Variants in ARCN1 observed in about 807,000 individuals in gnomAD.
The protein encoded by ARCN1 is archain 1 coat protein complex I subunit delta.
A neutral mutation model predicts 60.4 loss-of-function variants in ARCN1; 5 were observed. The ratio of observed to expected loss-of-function variants is 0.08; its 90% CI spans 0.04 to 0.17. The LOEUF (loss-of-function observed/expected upper bound fraction) is 0.17. Among genes scored for constraint, ARCN1 ranks in the 10% least tolerant of loss-of-function variants. ARCN1 has a pLI of 1.00. For synonymous variants in ARCN1, 224 were observed against 220.0 expected (o/e 1.02, Z -0.16); for missense variants, 464 against 626.5 (o/e 0.74, Z 2.77).
At chr11:118,584,680 A>T in intron 5 of ARCN1, 36 bp downstream of exon 5, 1 of 1,515,642 alleles carries the variant, frequency 6.6e-7, no homozygotes, top group South Asian at 1.3e-5. Context: ...TCAAGCTTTG[A>T]ATACAGTCCA....
Position 118,597,781 on chromosome 11 carries a change from A to C in ARCN1, c.1316A>C (p.Glu439Ala). ...YRHDSRRNTL[E>A]WCLPVIDAKN... ...CATGACAGTCGACGAAATACCCTGG[A>C]GTGGTGCCTGCCTGTGATTGATGCC... Residue 439 changes from glutamate (E) to alanine (A), a missense_variant, in exon 9 of 10, where the codon GAG (glutamate) becomes GCG (alanine). Glu to Ala is a moderately radical substitution (Grantham distance 107). This residue lies in a region of ARCN1 where 359 missense variants were observed against 440.2 expected (regional missense o/e 0.82). Transcript: ENST00000264028. 6.2e-7 allele frequency: 1 copy of C among 1,614,122 alleles called. No individual in the cohort carries two copies.
At chr11:118,593,394 T>A (rs1938955508) in intron 7 of ARCN1, among the ~76,000 whole-genome samples, 196 bp from the exon 8 acceptor site, 1 of 149,078 alleles carries the variant, frequency 6.7e-6, no homozygotes, top group Admixed American at 6.7e-5. Flanking sequence ...CGCCTGGCTT[T>A]TTTTTTTTTT....
chr11:118,591,297 C>T (rs1304609279), intron 6 of ARCN1, among the ~76,000 whole-genome samples: 1 of 152,224 alleles, frequency 6.6e-6, no homozygotes, highest in Non-Finnish European at 1.5e-5. Flanking sequence ...CCACCGTAGT[C>T]AGCACAGAAT....
Position 118,583,160 on chromosome 11 carries a change from T to A in ARCN1, c.268-19T>A. 6.2e-7 allele frequency: 1 copy of A among 1,612,034 alleles called. No homozygotes were observed. The highest frequency in any genetic ancestry group is 8.5e-7 in the Non-Finnish European group (1 of 1,179,082). On this transcript the variant is annotated intron_variant, in intron 2 of 9. Coordinates refer to ENST00000264028, the MANE Select transcript of ARCN1 (RefSeq NM_001655.5). ...TGATAAATTCTAAATCTTTCTTTTT[T>A]ATTGGTGTCCACGCTTAGATCCCTG...
chr11:118,590,287 G>GC, intron 5 of ARCN1, 54 bp from the exon 6 acceptor site: 1 of 1,511,942 alleles, frequency 6.6e-7, no homozygotes, highest in Non-Finnish European at 9.1e-7. Context: ...GAGCCACCAC[G>GC]CCCGGCCATT....
At chr11:118,582,778 C>A (rs1357375587) in intron 2 of ARCN1, among the ~76,000 whole-genome samples, 1 of 150,216 alleles carries the variant, frequency 6.7e-6, no homozygotes, top group Non-Finnish European at 1.5e-5. Flanking sequence ...CAGTGGCTCA[C>A]GCCTGTAATC....
chr11:118,596,860 C>G (rs1272637211), intron 8 of ARCN1, among the ~76,000 whole-genome samples: 1 of 152,168 alleles, frequency 6.6e-6, no homozygotes, highest in Non-Finnish European at 1.5e-5. Flanking sequence ...GATTGTAAAT[C>G]AAATAAACCC....
chr11:118,600,213 C>CT (rs1436059418), intron 9 of ARCN1, among the ~76,000 whole-genome samples: 1 of 152,208 alleles, frequency 6.6e-6, no homozygotes, highest in African/African-American at 2.4e-5. Context: ...CTTACTGGGA[C>CT]TTTTAACACG....
intron 9 of ARCN1, among the ~76,000 whole-genome samples, chr11:118,598,753 C>G (rs1939086391): frequency 6.6e-6 from 1 of 151,752 alleles, no homozygotes; most frequent in African/African-American, 2.4e-5. Flanking sequence ...CCTCAGCCTC[C>G]CAAAGTGATG....
intron 8 of ARCN1, among the ~76,000 whole-genome samples, chr11:118,594,630 A>T (rs1555076859): frequency 6.6e-6 from 1 of 151,042 alleles, no homozygotes; most frequent in Non-Finnish European, 1.5e-5. Context: ...GCTCACTGCA[A>T]CCTCCACCAC....
Position 118,595,383 on chromosome 11 carries a change from T to C in ARCN1, c.1241+1685T>C, listed in dbSNP as rs1160499897. Among the ~76,000 whole-genome samples the C allele has an allele frequency of 2.6e-5, 4 of 152,392 alleles. No individual in the cohort carries two copies. In the East Asian group the frequency reaches 5.8e-4, roughly 22 times the overall value. On this transcript the variant is annotated intron_variant, in intron 8 of 9. Coordinates refer to ENST00000264028, the MANE Select transcript of ARCN1 (RefSeq NM_001655.5). ...AACAAGATGTCTACATTAGTTACAG[T>C]AAATTTCCTAACAGCCCTTTTGGAG...
intron 3 of ARCN1, 82 bp downstream of exon 3, chr11:118,583,440 AC>A (rs1938704786): frequency 7.1e-7 from 1 of 1,403,860 alleles, no homozygotes; most frequent in African/African-American, 1.5e-5. Flanking sequence ...ATTTTTACTT[AC>A]TAATGTAGAC....
chr11:118,594,232 T>G, intron 8 of ARCN1: 1 of 153,208 alleles, frequency 6.5e-6, no homozygotes, highest in Non-Finnish European at 1.5e-5. Flanking sequence ...CCCGAGTAGC[T>G]GGGACTACAG....
At chr11:118,593,877 T>C in intron 8 of ARCN1, 179 bp downstream of exon 8, 1 of 466,148 alleles carries the variant, frequency 2.1e-6, no homozygotes, top group South Asian at 2.9e-5. Flanking sequence ...TTCTTTGTCT[T>C]TCTGGAAAAG....
At chr11:118,589,727 C>G (rs1938856047) in intron 5 of ARCN1, among the ~76,000 whole-genome samples, 1 of 151,794 alleles carries the variant, frequency 6.6e-6, no homozygotes, top group South Asian at 2.1e-4. Flanking sequence ...GTGAATATGC[C>G]TTTATTTGAG....
Position 118,581,525 on chromosome 11 carries a change from T to G in ARCN1, c.267+16T>G, listed in dbSNP as rs782002072. ...CTCAAGAGTGGTAAGAGTACTGCTA[T>G]AATACTGGGTTCCACTTTTTGTTTT... On this transcript the variant is annotated intron_variant, in intron 2 of 9. Coordinates refer to ENST00000264028, the MANE Select transcript of ARCN1 (RefSeq NM_001655.5). The G allele has an allele frequency of 6.3e-7, 1 of 1,579,882 alleles. No individual in the cohort carries two copies. Among genetic ancestry groups the G allele is most frequent in the Non-Finnish European group, 8.6e-7 (1 of 1,162,844 alleles).
rs782020909 is a variant in ARCN1 at position 118,590,497 on chromosome 11, G to A, written c.975G>A (p.Val325=). The change falls in exon 6 of 10, where the codon GTG becomes GTA. Residue 325 remains valine, a synonymous_variant. Transcript: ENST00000264028. The part of the protein sequence containing the change: ...LHVENEDKKG[V]QLQTHPNVDK... ...TGGAAAATGAAGATAAGAAAGGGGT[G>A]CAGCTACAGGTGTGTAGAAGCTTTT... The A allele has an allele frequency of 1.9e-6, 3 of 1,614,138 alleles. No homozygotes were observed. The highest frequency in any genetic ancestry group is 1.7e-5 in the Admixed American group (1 of 60,016).
At chr11:118,593,461 C>A (rs1464586849) in intron 7 of ARCN1, 129 bp from the exon 8 acceptor site, 1 of 545,660 alleles carries the variant, frequency 1.8e-6, no homozygotes, top group South Asian at 2.0e-5. Context: ...GAACTCATGG[C>A]CTCAACCAAT....
At position 118,602,682 on chromosome 11, in the gene ARCN1, G is replaced by A. The variant is rs1425432912; in HGVS notation, c.*1968G>A. ...TTCTGAGAAGGGCTTGGGACAAGAA[G>A]TCTGTCATGTTAGTTAAGCAGGCAA... On this transcript the variant is annotated 3_prime_UTR_variant, in exon 10 of 10. Coordinates refer to ENST00000264028, the MANE Select transcript of ARCN1 (RefSeq NM_001655.5). 6.5e-6 allele frequency: 1 copy of A among 153,758 alleles called. No individual in the cohort carries two copies. Among genetic ancestry groups the A allele is most frequent in the Non-Finnish European group, 1.5e-5 (1 of 68,032 alleles). 9.5% of individuals were successfully genotyped at this position (153,758 alleles called of 1,614,324 possible).
Sources: gnomAD v4.1 joint callset for allele counts (sites outside exome capture counted in the v4.1 genomes callset) on GRCh38, gnomAD v4.1.1 for gene constraint, gnomAD v4.1.1 regional missense constraint, MANE v1.5 for transcripts, NCBI Gene and HGNC (gene_info 2026-07-23, HGNC 2026-07-21) for gene names.